CEP128: variants seen among roughly 807,000 people sequenced by gnomAD.
CEP128 encodes centrosomal protein 128.
A neutral mutation model predicts 156.7 loss-of-function variants in CEP128; 132 were observed. The ratio of observed to expected loss-of-function variants is 0.84; its 90% CI spans 0.73 to 0.97. The LOEUF (loss-of-function observed/expected upper bound fraction) is 0.97, where lower values mean the gene tolerates loss of function less well. Among genes scored for constraint, CEP128 ranks in the 50% least tolerant of loss-of-function variants. The probability of loss-of-function intolerance (pLI) is 0.00; values close to 1 mark genes in which losing one functional copy is unlikely to be tolerated. For synonymous variants in CEP128, 469 were observed against 448.9 expected (o/e 1.04, Z -0.57); for missense variants, 1,252 against 1,281.9 (o/e 0.98, Z 0.36).
rs150644859 is a variant in CEP128, at chr14:80,788,389, C to G, written c.1561-2844G>C. On this transcript the variant is annotated intron_variant, in intron 14 of 24. Coordinates refer to ENST00000555265, the MANE Select transcript of CEP128 (RefSeq NM_152446.5). ...TCAACTTTTCCAAACCTAAGGGGTT[C>G]CAAATTATCAGACTCATAGGCAATT... 4.1e-3 allele frequency among the ~76,000 whole-genome samples: 576 copies of G among 140,364 alleles called. 2 individuals carry two copies. The highest frequency in any genetic ancestry group is 0.014 in the African/African-American group (528 of 38,152). The allele number at this position is 140,364 out of a possible 152,430, so 92.1% of individuals were successfully genotyped here. A position where few individuals can be genotyped will look rare whatever the true frequency, so the allele number is the denominator to read the frequency against.
intron 18 of CEP128, among the ~76,000 whole-genome samples, chr14:80,751,269 T>C (rs1384921792): frequency 2.0e-5 from 3 of 152,202 alleles, no homozygotes; most frequent in East Asian, 1.9e-4. Context: ...AAGCTAACTA[T>C]AGTTAGATTT....
intron 19 of CEP128, among the ~76,000 whole-genome samples, chr14:80,683,426 A>G (rs911341721): frequency 2.6e-5 from 4 of 151,926 alleles, no homozygotes; most frequent in African/African-American, 7.3e-5. Context: ...TACCTATCCT[A>G]TATATATATA....
At chr14:80,842,444 A>C (rs1469298362) in intron 9 of CEP128, among the ~76,000 whole-genome samples, 3 of 151,924 alleles carry the variant, frequency 2.0e-5, no homozygotes, top group Non-Finnish European at 2.9e-5. Flanking sequence ...GTTTTTCTAC[A>C]TTACCTAGTT....
In CEP128 at chr14:80,597,967, A is replaced by C. The variant is rs1175414450; in HGVS notation, c.2807-17544T>G. On this transcript the variant is annotated intron_variant, in intron 19 of 24. Coordinates refer to ENST00000555265, the MANE Select transcript of CEP128 (RefSeq NM_152446.5). ...CTCAGCTACAAAAAAAAAAAAAAAA[A>C]AAACAAAACCCTATGGCTAGCATTA... 9.4e-5 allele frequency among the ~76,000 whole-genome samples: 11 copies of C among 116,592 alleles called. No homozygotes were observed. The East Asian group carries it at 1.6e-3, about 17-fold the overall frequency. The allele number at this position is 116,592 out of a possible 152,430, so 76.5% of individuals were successfully genotyped here.
intron 2 of CEP128, among the ~76,000 whole-genome samples, chr14:80,934,884 T>C (rs1885694426): frequency 6.6e-6 from 1 of 152,244 alleles, no homozygotes; most frequent in Admixed American, 6.5e-5. Flanking sequence ...CTTACATTTA[T>C]ACAAAGGCAT....
rs1324625155 is a variant in CEP128, at chr14:80,579,343, T to TA, written c.2856+1030dup. On this transcript the variant is annotated intron_variant, in intron 20 of 24. Transcript: ENST00000555265. ...CTAACCAATGCTCTTTTTTTTTTTT[T>TA]ATACCTGAATATAGTACAAGATGTT... Among the ~76,000 whole-genome samples the TA allele has an allele frequency of 3.3e-5, 5 of 152,152 alleles. No individual in the cohort carries two copies. The East Asian group carries it at 9.6e-4, about 29-fold the overall frequency.
chr14:80,578,418 A>G (rs1891447725), intron 20 of CEP128, among the ~76,000 whole-genome samples: 1 of 152,242 alleles, frequency 6.6e-6, no homozygotes, highest in Non-Finnish European at 1.5e-5. Flanking sequence ...GATGATAATG[A>G]GTAAATAAAA....
intron 19 of CEP128, among the ~76,000 whole-genome samples, chr14:80,665,209 A>G (rs1895563016): frequency 6.6e-6 from 1 of 152,220 alleles, no homozygotes; most frequent in Non-Finnish European, 1.5e-5. Flanking sequence ...ACTAGGGGCC[A>G]GTGGGGTATG....
At chr14:80,910,882 T>C (rs914202618) in intron 4 of CEP128, among the ~76,000 whole-genome samples, 1 of 152,170 alleles carries the variant, frequency 6.6e-6, no homozygotes, top group East Asian at 1.9e-4. Flanking sequence ...AAAAAAGTCA[T>C]TGGTCACCAC....
intron 19 of CEP128, among the ~76,000 whole-genome samples, chr14:80,651,955 C>G (rs139402204): frequency 1.3e-5 from 2 of 152,132 alleles, no homozygotes; most frequent in African/African-American, 4.8e-5. Flanking sequence ...GAGCTGAGTT[C>G]AAGTCCTGAA....
intron 22 of CEP128, 147 bp from the exon 23 acceptor site, chr14:80,527,129 A>C: frequency 1.8e-6 from 1 of 561,828 alleles, no homozygotes; most frequent in South Asian, 2.3e-5. Flanking sequence ...ATCACAGGCC[A>C]CCATAGAGAA....
intron 8 of CEP128, among the ~76,000 whole-genome samples, chr14:80,867,655 A>G (rs1439437750): frequency 6.6e-6 from 1 of 151,818 alleles, no homozygotes; most frequent in Admixed American, 6.6e-5. Flanking sequence ...GAAATTGCCC[A>G]CTCAGAGAAA....
At chr14:80,647,114 C>A in intron 19 of CEP128, among the ~76,000 whole-genome samples, 1 of 120,626 alleles carries the variant, frequency 8.3e-6, no homozygotes, top group South Asian at 2.8e-4. Flanking sequence ...CATACACACA[C>A]ACACACACAC....
intron 24 of CEP128, among the ~76,000 whole-genome samples, chr14:80,504,032 A>T (rs1454893566): frequency 6.6e-6 from 1 of 152,178 alleles, no homozygotes. Context: ...TAAATGACAG[A>T]ATTATCAAAT....
At chr14:80,721,598 T>C (rs1897819228) in intron 19 of CEP128, among the ~76,000 whole-genome samples, 1 of 152,216 alleles carries the variant, frequency 6.6e-6, no homozygotes, top group Non-Finnish European at 1.5e-5. Flanking sequence ...TTTTTACCTT[T>C]TTAATATTTT....
In CEP128 at chr14:80,585,108, T is replaced by C. The variant is rs73328655; in HGVS notation, c.2807-4685A>G. Among the ~76,000 whole-genome samples the C allele has an allele frequency of 3.0e-3, 452 of 152,346 alleles. 2 individuals carry two copies. Among genetic ancestry groups the C allele is most frequent in the African/African-American group, 0.01 (430 of 41,574 alleles). On this transcript the variant is annotated intron_variant, in intron 19 of 24. Coordinates refer to ENST00000555265, the MANE Select transcript of CEP128 (RefSeq NM_152446.5). Reference sequence around the variant, plus strand: ...GGTTCCAATTTTTTAAATGAGCTGATACTCACTCATTATGACATAAAGTCA... The same window carrying C: ...GGTTCCAATTTTTTAAATGAGCTGACACTCACTCATTATGACATAAAGTCA...
intron 2 of CEP128, among the ~76,000 whole-genome samples, chr14:80,950,137 AT>A (rs1886432045): frequency 1.3e-5 from 2 of 152,184 alleles, no homozygotes; most frequent in Admixed American, 6.5e-5. Context: ...ACACCTGATG[AT>A]GACAGAGGAG....
intron 2 of CEP128, among the ~76,000 whole-genome samples, chr14:80,953,963 A>C (rs7154269): frequency 6.6e-6 from 1 of 151,980 alleles, no homozygotes; most frequent in Non-Finnish European, 1.5e-5. Flanking sequence ...ATACCATGGT[A>C]ATTTTTAAAA....
chr14:80,495,212 C>T (rs965924017), downstream of CEP128, among the ~76,000 whole-genome samples: 15 of 152,184 alleles, frequency 9.9e-5, no homozygotes, highest in African/African-American at 3.6e-4. Context: ...GTAATTGAGG[C>T]TACCCTGCCA....
Sources: gnomAD v4.1 joint callset for allele counts (sites outside exome capture counted in the v4.1 genomes callset) on GRCh38, gnomAD v4.1.1 for gene constraint, MANE v1.5 for transcripts, NCBI Gene and HGNC (gene_info 2026-07-23, HGNC 2026-07-21) for gene names.